Variants in SLCO2A1 observed in about 807,000 individuals in gnomAD.
SLCO2A1 encodes the protein matrin F/G 1.
A neutral mutation model predicts 71.7 loss-of-function variants in SLCO2A1; 60 were observed. That is an observed-to-expected ratio of 0.84 (90% CI 0.68 to 1.04). SLCO2A1 has a LOEUF of 1.04. Ranked by LOEUF, SLCO2A1 falls within the 50% of genes least tolerant of loss-of-function variation. SLCO2A1 has a pLI of 0.00. For missense variants in SLCO2A1, 745 were observed against 813.4 expected (o/e 0.92, Z 1.02); for synonymous variants, 308 against 326.7 (o/e 0.94, Z 0.62).
intron 1 of SLCO2A1, among the ~76,000 whole-genome samples, chr3:134,017,200 G>C (rs749197004): frequency 6.6e-6 from 1 of 152,204 alleles, no homozygotes; most frequent in Non-Finnish European, 1.5e-5. Flanking sequence ...CAATGTCAAT[G>C]TTCTGCTTTT....
At chr3:134,014,395 C>T (rs1037435600) in intron 1 of SLCO2A1, among the ~76,000 whole-genome samples, 3 of 152,148 alleles carry the variant, frequency 2.0e-5, no homozygotes, top group African/African-American at 7.2e-5. Flanking sequence ...AGAGTATCAT[C>T]CCATCCTTCA....
chr3:133,995,681 C>T (rs748390263), intron 1 of SLCO2A1, among the ~76,000 whole-genome samples: 17 of 152,296 alleles, frequency 1.1e-4, no homozygotes, highest in Middle Eastern at 3.4e-3. Context: ...CCAGGACACA[C>T]CTGTGGTGCC....
Position 133,954,458 on chromosome 3 carries a change from G to A in SLCO2A1, c.625+508C>T, listed in dbSNP as rs574193101. On this transcript the variant is annotated intron_variant, in intron 4 of 13. Transcript: ENST00000310926. Reference sequence around the variant, plus strand: ...ATTACAGGCATGAGCCACCACGCCCGTCCCAAAGTGGCTTGTTCGAAGGGA... The same window carrying A: ...ATTACAGGCATGAGCCACCACGCCCATCCCAAAGTGGCTTGTTCGAAGGGA... Among the ~76,000 whole-genome samples the A allele has an allele frequency of 6.8e-4, 104 of 152,290 alleles. 5 individuals are homozygous for A. In the South Asian group the frequency reaches 0.018, roughly 27 times the overall value.
intron 2 of SLCO2A1, among the ~76,000 whole-genome samples, chr3:133,974,593 C>T (rs534142654): frequency 1.4e-3 from 218 of 152,308 alleles, no homozygotes; most frequent in African/African-American, 5.0e-3. Context: ...CCCCTAAAAC[C>T]CTTCCAGCTG....
intron 11 of SLCO2A1, 70 bp from the exon 12 acceptor site, chr3:133,938,563 C>G (rs922009554): frequency 8.1e-6 from 12 of 1,483,352 alleles, no homozygotes; most frequent in Non-Finnish European, 1.1e-5. Flanking sequence ...TAAGGGGCAG[C>G]CAGCCTCAGA....
chr3:133,987,131 G>GCCACCCCC (rs1934731303), intron 1 of SLCO2A1, among the ~76,000 whole-genome samples: 2 of 105,030 alleles, frequency 1.9e-5, no homozygotes, highest in Admixed American at 9.5e-5. Context: ...AAAATTCAAA[G>GCCACCCCC]CCCCCCCCCC....
chr3:133,975,607 C>A (rs1934424029), intron 2 of SLCO2A1, among the ~76,000 whole-genome samples: 2 of 152,186 alleles, frequency 1.3e-5, no homozygotes, highest in Admixed American at 1.3e-4. Flanking sequence ...TCCTACACAG[C>A]CTGCCCCCTG....
intron 3 of SLCO2A1, among the ~76,000 whole-genome samples, chr3:133,961,841 A>G (rs550562834): frequency 1.3e-5 from 2 of 152,280 alleles, no homozygotes; most frequent in East Asian, 3.9e-4. Context: ...CACATCCCAG[A>G]TCAAGTTCTG....
At chr3:134,009,824 C>T (rs1282323761) in intron 1 of SLCO2A1, among the ~76,000 whole-genome samples, 1 of 152,208 alleles carries the variant, frequency 6.6e-6, no homozygotes, top group Non-Finnish European at 1.5e-5. Flanking sequence ...GCTCAACAGT[C>T]TGTGGTTTGT....
At chr3:133,953,167 G>T (rs1559933527) in intron 5 of SLCO2A1, among the ~76,000 whole-genome samples, 2 of 151,958 alleles carry the variant, frequency 1.3e-5, no homozygotes, top group South Asian at 4.2e-4. Flanking sequence ...CTCCTAAGTA[G>T]CTGGGACTAC....
At chr3:133,998,220 A>G (rs1294993981) in intron 1 of SLCO2A1, among the ~76,000 whole-genome samples, 1 of 152,142 alleles carries the variant, frequency 6.6e-6, no homozygotes, top group Non-Finnish European at 1.5e-5. Flanking sequence ...AGCTCTGGGG[A>G]GAGTCTGCTT....
chr3:133,957,354 A>G (rs928195658), intron 3 of SLCO2A1, among the ~76,000 whole-genome samples: 1 of 152,002 alleles, frequency 6.6e-6, no homozygotes, highest in African/African-American at 2.4e-5. Flanking sequence ...TCAAACACCC[A>G]TGTACTGACA....
chr3:134,023,658 A>C (rs1303795700), intron 1 of SLCO2A1, among the ~76,000 whole-genome samples: 1 of 152,230 alleles, frequency 6.6e-6, no homozygotes, highest in African/African-American at 2.4e-5. Context: ...ATTTTACTAG[A>C]GGATCATGGA....
intron 1 of SLCO2A1, among the ~76,000 whole-genome samples, chr3:134,025,270 G>A (rs771806409): frequency 4.6e-5 from 7 of 152,042 alleles, no homozygotes; most frequent in African/African-American, 9.7e-5. Flanking sequence ...TATTATAAGC[G>A]TACTGGAACT....
intron 1 of SLCO2A1, among the ~76,000 whole-genome samples, chr3:133,994,211 C>T (rs1047071140): frequency 6.6e-6 from 1 of 152,178 alleles, no homozygotes; most frequent in Non-Finnish European, 1.5e-5. Context: ...TAAATATTCG[C>T]TGAATAAAGT....
chr3:133,960,785 T>C (rs1934016128), intron 3 of SLCO2A1, among the ~76,000 whole-genome samples: 1 of 152,002 alleles, frequency 6.6e-6, no homozygotes, highest in Admixed American at 6.5e-5. Context: ...AGGGAGCATA[T>C]GAGAGAGGCA....
chr3:134,020,465 A>C, intron 1 of SLCO2A1, among the ~76,000 whole-genome samples: 1 of 152,204 alleles, frequency 6.6e-6, no homozygotes, highest in East Asian at 1.9e-4. Flanking sequence ...GCAGATCCTG[A>C]GAGCGCTCAG....
intron 1 of SLCO2A1, among the ~76,000 whole-genome samples, chr3:133,982,674 C>G (rs1163076343): frequency 6.6e-6 from 1 of 152,088 alleles, no homozygotes; most frequent in Non-Finnish European, 1.5e-5. Flanking sequence ...TGGTGTCTCC[C>G]ACATTGGAGC....
At chr3:133,978,123 G>A (rs1934502944) in intron 2 of SLCO2A1, among the ~76,000 whole-genome samples, 1 of 152,180 alleles carries the variant, frequency 6.6e-6, no homozygotes, top group South Asian at 2.1e-4. Context: ...CCCATGGAGG[G>A]GTGCCCATGA....
Sources: gnomAD v4.1 joint callset for allele counts (sites outside exome capture counted in the v4.1 genomes callset) on GRCh38, gnomAD v4.1.1 for gene constraint, MANE v1.5 for transcripts, NCBI Gene and HGNC (gene_info 2026-07-23, HGNC 2026-07-21) for gene names.